Variants in BCAS4 observed in about 807,000 individuals in gnomAD.
The protein encoded by BCAS4 is breast carcinoma-amplified sequence 4.
Under a neutral mutation model 15.7 loss-of-function variants are expected in BCAS4, and 9 were observed. The ratio of observed to expected loss-of-function variants is 0.57; its 90% confidence interval spans 0.34 to 1.00. The LOEUF (loss-of-function observed/expected upper bound fraction) is 1.00, where lower values mean the gene tolerates loss of function less well. Ranked by LOEUF, BCAS4 falls within the 50% of genes least tolerant of loss-of-function variation. The probability of loss-of-function intolerance (pLI) is 0.02; values close to 1 mark genes in which losing one functional copy is unlikely to be tolerated. For missense variants in BCAS4, 225 were observed against 239.1 expected (o/e 0.94, Z 0.39); for synonymous variants, 101 against 99.5 (o/e 1.02, Z -0.09).
At position 50,829,195 on chromosome 20, in the gene BCAS4, C is replaced by T. The variant is rs374295951; in HGVS notation, c.163-1084C>T. 1.6e-4 allele frequency among the ~76,000 whole-genome samples: 24 copies of T among 152,310 alleles called. No homozygotes were observed. In the East Asian group the frequency reaches 2.1e-3, roughly 13 times the overall value. On this transcript the variant is annotated intron_variant, in intron 2 of 4. Transcript: ENST00000371608. ...TCTCAAACTAGGAGAGGCTGGGAAT[C>T]AGCATTTGAAAGGCTTCCCCCAGGA...
chr20:50,838,500 G>C (rs1200046403), intron 3 of BCAS4, among the ~76,000 whole-genome samples: 2 of 152,146 alleles, frequency 1.3e-5, no homozygotes, highest in African/African-American at 4.8e-5. Flanking sequence ...ACCTGGGATC[G>C]GGAGTTCGAG....
chr20:50,821,375 C>T (rs1033570638), intron 2 of BCAS4, among the ~76,000 whole-genome samples: 9 of 152,220 alleles, frequency 5.9e-5, no homozygotes, highest in African/African-American at 2.2e-4. Flanking sequence ...GCTTACAGCC[C>T]CTGCATGGGC....
chr20:50,860,705 GTC>G (rs886329897), intron 4 of BCAS4, among the ~76,000 whole-genome samples: 31 of 151,990 alleles, frequency 2.0e-4, no homozygotes, highest in African/African-American at 7.3e-4. Context: ...GCGAAACCCC[GTC>G]TCTACTAAAA....
intron 3 of BCAS4, among the ~76,000 whole-genome samples, chr20:50,833,391 C>T (rs2088367586): frequency 6.6e-6 from 1 of 152,216 alleles, no homozygotes; most frequent in African/African-American, 2.4e-5. Context: ...ACCCCAGAGC[C>T]AGGCTTCTCA....
Position 50,830,372 on chromosome 20 carries a change from C to CA in BCAS4, c.256_257insA (p.Arg86GlnfsTer24). 1 of 1,612,870 alleles carries CA rather than the reference C, an allele frequency of 6.2e-7. No individual in the cohort carries two copies. The highest frequency in any genetic ancestry group is 1.3e-5 in the African/African-American group (1 of 74,968). ...GCGTGGCATCTATGCCAAAGTGGAC[C>CA]GGCTAGAGGTACGTCTAGGCAAACG... is the stretch of plus-strand genomic sequence containing the variant. On this transcript the variant is annotated frameshift_variant, in exon 3 of 5. Coordinates refer to ENST00000371608, the MANE Select transcript of BCAS4 (RefSeq NM_198799.4). LOFTEE classifies it high-confidence loss of function.
At chr20:50,877,235 G>GT (rs1980004959), downstream of BCAS4, 2 of 152,342 alleles carry the variant, frequency 1.3e-5, no homozygotes, top group African/African-American at 4.8e-5. Context: ...CCTGTGCAGT[G>GT]TTTTCTAGAA....
At chr20:50,813,047 G>A (rs1438126620) in intron 1 of BCAS4, among the ~76,000 whole-genome samples, 2 of 151,998 alleles carry the variant, frequency 1.3e-5, no homozygotes, top group African/African-American at 2.4e-5. Flanking sequence ...TTGAACTCCT[G>A]GGCTTAAGTG....
At position 50,838,307 on chromosome 20, in the gene BCAS4, A is replaced by G. The variant is rs78583096; in HGVS notation, c.265-3459A>G. On this transcript the variant is annotated intron_variant, in intron 3 of 4. Coordinates refer to ENST00000371608, the MANE Select transcript of BCAS4 (RefSeq NM_198799.4). ...TCTAAAGGGCGTGGACCATGAATAG[A>G]TAAGAATTTCAGAGGGCAATGAGGG... 1.2e-3 allele frequency among the ~76,000 whole-genome samples: 176 copies of G among 152,334 alleles called. 1 individual carries two copies. In the East Asian group the frequency reaches 0.029, roughly 25 times the overall value.
At chr20:50,830,205 G>A (rs1420267178) in intron 2 of BCAS4, 74 bp from the exon 3 acceptor site, 2 of 1,297,238 alleles carry the variant, frequency 1.5e-6, no homozygotes, top group Non-Finnish European at 2.2e-6. Context: ...TGTAGACCCT[G>A]GCCAACCTCT....
intron 4 of BCAS4, among the ~76,000 whole-genome samples, chr20:50,875,031 G>C (rs559618692): frequency 6.6e-6 from 1 of 152,038 alleles, no homozygotes; most frequent in African/African-American, 2.4e-5. Flanking sequence ...GCAGTAGCCC[G>C]GGAGCCCTCT....
At chr20:50,860,552 C>T (rs1016119568) in intron 4 of BCAS4, among the ~76,000 whole-genome samples, 1 of 152,152 alleles carries the variant, frequency 6.6e-6, no homozygotes, top group African/African-American at 2.4e-5. Flanking sequence ...TCACATACTT[C>T]CCTGGAGATT....
chr20:50,804,913 G>A (rs1244615163), intron 1 of BCAS4, among the ~76,000 whole-genome samples: 2 of 152,072 alleles, frequency 1.3e-5, no homozygotes, highest in Non-Finnish European at 1.5e-5. Context: ...CAAACCTAAC[G>A]CTACTCAGAG....
intron 4 of BCAS4, among the ~76,000 whole-genome samples, chr20:50,874,174 C>G (rs6126111): frequency 5.3e-5 from 8 of 152,168 alleles, no homozygotes; most frequent in African/African-American, 1.9e-4. Context: ...TGCAAAGGCC[C>G]TCAGTGCTCA....
chr20:50,801,462 T>C (rs2123745965), intron 1 of BCAS4, among the ~76,000 whole-genome samples: 1 of 152,198 alleles, frequency 6.6e-6, no homozygotes, highest in African/African-American at 2.4e-5. Context: ...TTAGGGGGAC[T>C]CCAGGGTATG....
intron 3 of BCAS4, among the ~76,000 whole-genome samples, chr20:50,835,217 T>G (rs2088392413): frequency 6.6e-6 from 1 of 152,016 alleles, no homozygotes; most frequent in Non-Finnish European, 1.5e-5. Context: ...GACTACACTA[T>G]TTTGAACTCC....
At chr20:50,839,715 A>G (rs932816560) in intron 3 of BCAS4, among the ~76,000 whole-genome samples, 1 of 152,228 alleles carries the variant, frequency 6.6e-6, no homozygotes, top group Non-Finnish European at 1.5e-5. Flanking sequence ...CATGCTGGCC[A>G]GGCTGGTCTC....
chr20:50,808,095 A>AGG (rs2088016395), intron 1 of BCAS4, among the ~76,000 whole-genome samples: 1 of 150,706 alleles, frequency 6.6e-6, no homozygotes, highest in Non-Finnish European at 1.5e-5. Flanking sequence ...GTATTTTTTA[A>AGG]TAGAGATGGG....
rs553006803 is a variant in BCAS4 at position 50,840,817 on chromosome 20, A to G, written c.265-949A>G. 3.8e-6 allele frequency: 4 copies of G among 1,047,990 alleles called. No homozygotes were observed. The African/African-American group carries it at 6.3e-5, about 17-fold the overall frequency. 64.9% of individuals were successfully genotyped at this position (1,047,990 alleles called of 1,614,324 possible). A position where few individuals can be genotyped will look rare whatever the true frequency, so the allele number is the denominator to read the frequency against. On this transcript the variant is annotated intron_variant, in intron 3 of 4. Coordinates refer to ENST00000371608, the MANE Select transcript of BCAS4 (RefSeq NM_198799.4). ...AAGTCTGGTCTGCGTAGTGGCCACC[A>G]CTGAGTTGTCCAATTTTATTTATTT...
At chr20:50,808,584 G>C (rs1312800434) in intron 1 of BCAS4, among the ~76,000 whole-genome samples, 1 of 152,114 alleles carries the variant, frequency 6.6e-6, no homozygotes, top group Non-Finnish European at 1.5e-5. Context: ...ATTGTGGTTT[G>C]GATTTGCATT....
Sources: allele counts gnomAD v4.1 joint callset (sites outside exome capture counted in the v4.1 genomes callset), GRCh38; gene constraint gnomAD v4.1.1; transcripts MANE v1.5; gene names NCBI Gene and HGNC (gene_info 2026-07-23, HGNC 2026-07-21).